The following RNF152 variants were observed in gnomAD, a reference collection of about 807,000 sequenced individuals.
RNF152 encodes E3 ubiquitin-protein ligase RNF152.
In RNF152, 11 loss-of-function variants were observed where a neutral mutation model predicts 12.7. The ratio of observed to expected loss-of-function variants is 0.86; its 90% CI spans 0.54 to 1.43. RNF152 has a LOEUF of 1.43. Ranked by LOEUF, RNF152 falls within the 40% of genes most tolerant of loss-of-function variation. The pLI is 0.00. For missense variants in RNF152, 255 were observed against 274.8 expected, an observed-to-expected ratio of 0.93 and a Z score of 0.51; for synonymous variants, 113 against 120.3, an observed-to-expected ratio of 0.94 and a Z score of 0.40.
chr18:61,879,162 T>C (rs865805978), intron 1 of RNF152, among the ~76,000 whole-genome samples: 1 of 152,202 alleles, frequency 6.6e-6, no homozygotes, highest in Non-Finnish European at 1.5e-5. Context: ...GGAAAAATAA[T>C]ACTAAATGGT....
At chr18:61,823,514 G>C (rs1258908887) in intron 1 of RNF152, among the ~76,000 whole-genome samples, 1 of 152,198 alleles carries the variant, frequency 6.6e-6, no homozygotes, top group African/African-American at 2.4e-5. Context: ...GGCCAGGCTG[G>C]TCTCGAACTC....
chr18:61,891,330 C>G (rs1283904203), intron 1 of RNF152, among the ~76,000 whole-genome samples: 2 of 152,146 alleles, frequency 1.3e-5, no homozygotes, highest in African/African-American at 4.8e-5. Context: ...ACAATGAAAC[C>G]TAACACTGCA....
At chr18:61,860,152 G>T (rs146226156) in intron 1 of RNF152, among the ~76,000 whole-genome samples, 1 of 152,202 alleles carries the variant, frequency 6.6e-6, no homozygotes, top group African/African-American at 2.4e-5. Context: ...GGGAGGAAGG[G>T]TTCTCCCCAT....
At chr18:61,833,653 C>G (rs1387912915) in intron 1 of RNF152, among the ~76,000 whole-genome samples, 1 of 152,190 alleles carries the variant, frequency 6.6e-6, no homozygotes, top group East Asian at 1.9e-4. Context: ...TTTTCTTTAG[C>G]TGATGGGAAA....
intron 1 of RNF152, among the ~76,000 whole-genome samples, chr18:61,835,475 C>T (rs915287579): frequency 6.6e-6 from 1 of 152,028 alleles, no homozygotes; most frequent in Non-Finnish European, 1.5e-5. Flanking sequence ...AAGGACAAAT[C>T]AATTAAGGGA....
chr18:61,830,521 T>C (rs1019262187), intron 1 of RNF152, among the ~76,000 whole-genome samples: 5 of 152,236 alleles, frequency 3.3e-5, no homozygotes, highest in Non-Finnish European at 7.3e-5. Flanking sequence ...GTCTGGCTTA[T>C]TTCACTAAGC....
At chr18:61,886,362 A>G (rs980782610) in intron 1 of RNF152, among the ~76,000 whole-genome samples, 2 of 152,170 alleles carry the variant, frequency 1.3e-5, no homozygotes, top group African/African-American at 4.8e-5. Flanking sequence ...CAAACACACA[A>G]TGGTGTAAAG....
intron 1 of RNF152, among the ~76,000 whole-genome samples, chr18:61,849,086 A>G (rs1411768577): frequency 2.0e-5 from 3 of 152,140 alleles, no homozygotes; most frequent in Non-Finnish European, 4.4e-5. Context: ...TTGGGAGCCA[A>G]GTCTGTGTCA....
chr18:61,857,104 C>T (rs1184834074), intron 1 of RNF152, among the ~76,000 whole-genome samples: 3 of 152,194 alleles, frequency 2.0e-5, no homozygotes, highest in Admixed American at 2.0e-4. Flanking sequence ...GCATAAAAGA[C>T]ACAGAATCTC....
intron 1 of RNF152, among the ~76,000 whole-genome samples, chr18:61,829,177 G>A (rs966701706): frequency 2.6e-5 from 4 of 152,306 alleles, no homozygotes; most frequent in South Asian, 4.1e-4. Flanking sequence ...GGCAGCACAC[G>A]GCAGGTGGTT....
At chr18:61,892,683 TCA>T (rs1418261183) in intron 1 of RNF152, 110 bp downstream of exon 1, 1 of 152,208 alleles carries the variant, frequency 6.6e-6, no homozygotes, top group African/African-American at 2.4e-5. Flanking sequence ...CCACACCTTC[TCA>T]CAGATAGGAA....
At chr18:61,872,657 A>T (rs138335732) in intron 1 of RNF152, among the ~76,000 whole-genome samples, 1 of 152,196 alleles carries the variant, frequency 6.6e-6, no homozygotes, top group East Asian at 1.9e-4. Context: ...ACTGTAGTGG[A>T]CTTCCCTCAA....
intron 1 of RNF152, among the ~76,000 whole-genome samples, chr18:61,817,533 GC>G (rs1909170482): frequency 6.6e-6 from 1 of 152,122 alleles, no homozygotes; most frequent in Non-Finnish European, 1.5e-5. Context: ...AGGATGCAAA[GC>G]CCCTGTATAC....
chr18:61,832,330 G>A (rs1286344975), intron 1 of RNF152, among the ~76,000 whole-genome samples: 1 of 151,992 alleles, frequency 6.6e-6, no homozygotes, highest in Non-Finnish European at 1.5e-5. Context: ...ATGTATATAT[G>A]TACTACTTAA....
intron 1 of RNF152, among the ~76,000 whole-genome samples, chr18:61,843,990 T>A (rs1166850902): frequency 7.6e-5 from 9 of 118,702 alleles, no homozygotes; most frequent in African/African-American, 2.8e-4. Flanking sequence ...TAAAAATAAA[T>A]AAATAATAAG....
intron 1 of RNF152, among the ~76,000 whole-genome samples, chr18:61,849,996 T>G (rs889301278): frequency 2.6e-5 from 4 of 152,226 alleles, no homozygotes; most frequent in African/African-American, 9.6e-5. Context: ...TTCCTCTTCA[T>G]CCAAACCTGG....
chr18:61,883,042 C>T lies in RNF152; in HGVS notation c.-136+9753G>A, dbSNP rs1912532788. 2.0e-5 allele frequency among the ~76,000 whole-genome samples: 3 copies of T among 152,272 alleles called. No individual in the cohort carries two copies. The South Asian group carries it at 6.2e-4, about 32-fold the overall frequency. The stretch of plus-strand genomic sequence containing the variant: ...ACATAAACACACTCAGATACCAGCA[C>T]AGGAAACCCAGAGCATATCTAGATG... On this transcript the variant is annotated intron_variant, in intron 1 of 1. Transcript: ENST00000312828.
At position 61,815,004 on chromosome 18, in the gene RNF152, A is replaced by C. The variant is rs1200689752; in HGVS notation, c.*848T>G. ...GTCTTCATCCCAGGATTCTTCAGCA[A>C]AGACTCAAACACCTGAGGTAAATCA... On this transcript the variant is annotated 3_prime_UTR_variant, in exon 2 of 2. Coordinates refer to ENST00000312828, the MANE Select transcript of RNF152 (RefSeq NM_173557.3). 6.6e-6 allele frequency: 1 copy of C among 152,620 alleles called. No individual in the cohort carries two copies. Among genetic ancestry groups the C allele is most frequent in the Admixed American group, 6.5e-5 (1 of 15,286 alleles). 9.5% of individuals were successfully genotyped at this position (152,620 alleles called of 1,614,324 possible). A position where few individuals can be genotyped will look rare whatever the true frequency, so the allele number is the denominator to read the frequency against.
chr18:61,874,775 C>A (rs1912142642), intron 1 of RNF152, among the ~76,000 whole-genome samples: 1 of 152,154 alleles, frequency 6.6e-6, no homozygotes, highest in South Asian at 2.1e-4. Context: ...GGTATCTAAT[C>A]CCAGTCTGGT....
Sources: allele counts gnomAD v4.1 joint callset (sites outside exome capture counted in the v4.1 genomes callset), GRCh38; gene constraint gnomAD v4.1.1; transcripts MANE v1.5; gene names NCBI Gene and HGNC (gene_info 2026-07-23, HGNC 2026-07-21).